ADGRV1: variants seen among roughly 807,000 people sequenced by gnomAD.
ADGRV1 encodes G-protein coupled receptor 98.
ADGRV1 carries 359 observed loss-of-function variants against 596.2 expected under a neutral mutation model. The observed-to-expected ratio is 0.60, with a 90% confidence interval of 0.55 to 0.66. The LOEUF is 0.66. Among genes scored for constraint, ADGRV1 ranks in the 30% least tolerant of loss-of-function variants. The pLI is 0.00. For missense variants in ADGRV1, 7,274 were observed against 7,575.6 expected (o/e 0.96, Z 1.48); for synonymous variants, 2,681 against 2,679.2 (o/e 1.00, Z -0.02).
At position 91,063,487 on chromosome 5, in the gene ADGRV1, G is replaced by A. The variant is rs114833963; in HGVS notation, c.18153-8960G>A. ...TTACAATATATAGTAATTCCCTATC[G>A]TTTAAATTGTCAAATCCTAGAACAT... On this transcript the variant is annotated intron_variant, in intron 85 of 89. Transcript: ENST00000405460. 4.9e-3 allele frequency among the ~76,000 whole-genome samples: 746 copies of A among 152,046 alleles called. 5 individuals carry two copies. Among genetic ancestry groups the A allele is most frequent in the African/African-American group, 0.017 (719 of 41,446 alleles).
At chr5:90,973,941 A>G (rs994256005) in intron 84 of ADGRV1, among the ~76,000 whole-genome samples, 3 of 152,254 alleles carry the variant, frequency 2.0e-5, no homozygotes, top group Non-Finnish European at 4.4e-5. Flanking sequence ...ATGATTGTCT[A>G]TTTAGAAAAC....
intron 85 of ADGRV1, among the ~76,000 whole-genome samples, chr5:91,004,830 G>A (rs909201648): frequency 4.6e-5 from 7 of 152,118 alleles, no homozygotes; most frequent in African/African-American, 1.4e-4. Flanking sequence ...GAAGCGAGGG[G>A]GAGGGCTCAA....
chr5:91,150,146 G>A lies in ADGRV1; in HGVS notation c.18549G>A (p.Thr6183=), dbSNP rs192571483. 84 of 1,593,862 alleles carry A rather than the reference G, an allele frequency of 5.3e-5. No homozygotes were observed. The Middle Eastern group carries it at 6.7e-4, about 13-fold the overall frequency. Residue 6183 remains threonine, a synonymous_variant, in exon 88 of 90, where the codon ACG becomes ACA. Coordinates refer to ENST00000405460, the MANE Select transcript of ADGRV1 (RefSeq NM_032119.4). ...CTGGACCCAGCACAGCCTTTTTCAC[G>A]CCCGGGAGTGGAATGCCTCCTGCTG... ...GHPGPSTAFF[T]PGSGMPPAGG...
At chr5:90,857,768 C>T (rs777315783) in intron 82 of ADGRV1, among the ~76,000 whole-genome samples, 1 of 152,070 alleles carries the variant, frequency 6.6e-6, no homozygotes, top group Non-Finnish European at 1.5e-5. Context: ...TCCCCAGGAA[C>T]CAGAAAAGAG....
At chr5:91,065,268 C>T (rs1036028149) in intron 85 of ADGRV1, among the ~76,000 whole-genome samples, 1 of 152,068 alleles carries the variant, frequency 6.6e-6, no homozygotes, top group African/African-American at 2.4e-5. Context: ...TGAAGAAATA[C>T]TCAGGAGACC....
chr5:91,111,247 C>A (rs1227685237), intron 87 of ADGRV1, among the ~76,000 whole-genome samples: 1 of 152,136 alleles, frequency 6.6e-6, no homozygotes, highest in African/African-American at 2.4e-5. Context: ...TACTCTCCAC[C>A]CCACCCTGCC....
At chr5:90,614,572 A>AC in intron 1 of ADGRV1, 1 of 378,146 alleles carries the variant, frequency 2.6e-6, no homozygotes, top group Non-Finnish European at 4.9e-6. Context: ...AAGTAAGTTT[A>AC]ACTTACAGCT....
chr5:90,909,233 C>T (rs968941279), intron 83 of ADGRV1, among the ~76,000 whole-genome samples: 3 of 152,316 alleles, frequency 2.0e-5, no homozygotes, highest in Non-Finnish European at 4.4e-5. Context: ...TTGGGCCTCA[C>T]ATCTGTTTCC....
At chr5:90,839,415 C>T (rs530651504) in intron 77 of ADGRV1, among the ~76,000 whole-genome samples, 25 of 152,036 alleles carry the variant, frequency 1.6e-4, no homozygotes, top group Admixed American at 7.2e-4. Flanking sequence ...GGGGTTTCAC[C>T]GTGTTAGCCA....
chr5:90,781,398 TTA>T, intron 64 of ADGRV1, 30 bp from the exon 65 acceptor site: 1 of 1,502,014 alleles, frequency 6.7e-7, no homozygotes, highest in Non-Finnish European at 9.2e-7. Context: ...TTGTTGTATT[TTA>T]TTTTATTTTG....
chr5:90,672,053 A>T (rs1328086562), intron 21 of ADGRV1, among the ~76,000 whole-genome samples: 1 of 152,148 alleles, frequency 6.6e-6, no homozygotes, highest in East Asian at 1.9e-4. Context: ...ACCACCAAAT[A>T]TACTATATTG....
intron 9 of ADGRV1, 37 bp from the exon 10 acceptor site, chr5:90,635,077 C>A: frequency 7.4e-7 from 1 of 1,350,974 alleles, no homozygotes; most frequent in Non-Finnish European, 1.0e-6. Flanking sequence ...TATATTCTAT[C>A]AATTCTTACT....
At chr5:90,639,844 G>T (rs1766736985) in intron 11 of ADGRV1, among the ~76,000 whole-genome samples, 1 of 152,054 alleles carries the variant, frequency 6.6e-6, no homozygotes, top group African/African-American at 2.4e-5. Context: ...AAGAATAAAT[G>T]AATGATAGCA....
In ADGRV1 at chr5:90,725,534, A is replaced by G. The variant is rs766837969; in HGVS notation, c.10054-15A>G. 2 of 1,317,546 alleles carry G rather than the reference A, an allele frequency of 1.5e-6. No homozygotes were observed. The highest frequency in any genetic ancestry group is 2.2e-6 in the Non-Finnish European group (2 of 911,544). The allele number at this position is 1,317,546 out of a possible 1,614,324, so 81.6% of individuals were successfully genotyped here. A position where few individuals can be genotyped will look rare whatever the true frequency, so the allele number is the denominator to read the frequency against. ...AACTCTCCTTTAAGTTTTCATTCCC[A>G]CTCTGTCCTTGCAGGTACAAACAAT... On this transcript the variant is annotated splice_polypyrimidine_tract_variant and intron_variant, in intron 47 of 89. Coordinates refer to ENST00000405460, the MANE Select transcript of ADGRV1 (RefSeq NM_032119.4).
intron 1 of ADGRV1, among the ~76,000 whole-genome samples, chr5:90,575,772 A>G (rs1757120046): frequency 6.6e-6 from 1 of 152,124 alleles, no homozygotes; most frequent in Admixed American, 6.5e-5. Flanking sequence ...CAGAGGGCTT[A>G]CATGGGGGCG....
chr5:90,675,503 T>A, intron 24 of ADGRV1, 58 bp downstream of exon 24: 1 of 1,452,694 alleles, frequency 6.9e-7, no homozygotes, highest in Non-Finnish European at 9.5e-7. Context: ...ACATAATCCT[T>A]CTCTGGAAGG....
Position 90,815,708 on chromosome 5 carries a change from C to T in ADGRV1, c.16168C>T (p.His5390Tyr), listed in dbSNP as rs1762829463. The T allele has an allele frequency of 2.6e-6, 4 of 1,565,556 alleles. No homozygotes were observed. The highest frequency in any genetic ancestry group is 3.5e-6 in the Non-Finnish European group (4 of 1,152,062). The part of the protein sequence containing the change: ...LREGAVMRRL[H>Y]LIVTRQPNRA... The stretch of plus-strand genomic sequence containing the variant: ...GGAAGGAGCTGTTATGAGAAGATTG[C>T]ACCTTATTGTCACAAGACAGCCAAA... Residue 5390 changes from histidine (H) to tyrosine (Y), a missense_variant, in exon 75 of 90, where the codon CAC becomes TAC. Physicochemically the swap from His to Tyr is moderately conservative, Grantham distance 83. Transcript: ENST00000405460.
chr5:90,946,297 T>C (rs1412601446), intron 83 of ADGRV1, among the ~76,000 whole-genome samples: 2 of 152,076 alleles, frequency 1.3e-5, no homozygotes, highest in Non-Finnish European at 2.9e-5. Flanking sequence ...ATATAGGGCA[T>C]TGCAAGATCA....
chr5:90,650,458 A>G (rs954918727), intron 17 of ADGRV1, among the ~76,000 whole-genome samples: 1 of 152,028 alleles, frequency 6.6e-6, no homozygotes, highest in South Asian at 2.1e-4. Context: ...TCTTTTTTCC[A>G]TTGAATTATC....
Sources: gnomAD v4.1 joint callset for allele counts (sites outside exome capture counted in the v4.1 genomes callset) on GRCh38, gnomAD v4.1.1 for gene constraint, MANE v1.5 for transcripts, NCBI Gene and HGNC (gene_info 2026-07-23, HGNC 2026-07-21) for gene names.